Variants in THOC7 observed in about 807,000 individuals in gnomAD.
The protein encoded by THOC7 is THO complex subunit 7.
THOC7 carries 22 observed loss-of-function variants against 33.1 expected under a neutral mutation model. The observed-to-expected ratio is 0.66, with a 90% CI of 0.47 to 0.95. THOC7 has a LOEUF of 0.95. Ranked by LOEUF, THOC7 falls within the 40% of genes least tolerant of loss-of-function variation. THOC7 has a pLI of 0.00. For synonymous variants in THOC7, 77 were observed against 76.8 expected (o/e 1.00, Z -0.01); for missense variants, 184 against 245.3 (o/e 0.75, Z 1.67).
chr3:63,838,124 A>G (rs1204549035), intron 3 of THOC7, 62 bp from the exon 4 acceptor site: 1 of 1,441,880 alleles, frequency 6.9e-7, no homozygotes, highest in Non-Finnish European at 9.5e-7. Flanking sequence ...TTTTAATTTT[A>G]AAACGCATTT....
chr3:63,844,888 C>T (rs535639795), intron 1 of THOC7: 142 of 511,196 alleles, frequency 2.8e-4, no homozygotes, highest in Middle Eastern at 2.1e-3. Flanking sequence ...CAGAGTAAGA[C>T]GGAAAATTGT....
At chr3:63,860,392 CT>C (rs1253074629) in intron 1 of THOC7, among the ~76,000 whole-genome samples, 2 of 152,174 alleles carry the variant, frequency 1.3e-5, no homozygotes, top group Non-Finnish European at 2.9e-5. Flanking sequence ...ATTTAGCCTT[CT>C]TTTACCTAGC....
At chr3:63,852,411 T>C (rs1425180137) in intron 1 of THOC7, among the ~76,000 whole-genome samples, 1 of 152,222 alleles carries the variant, frequency 6.6e-6, no homozygotes, top group East Asian at 1.9e-4. Context: ...TATCTTTTTA[T>C]AGTATTTGAT....
In THOC7 at chr3:63,839,671, C is replaced by G; in HGVS notation, c.122G>C (p.Gly41Ala). 1 of 1,611,852 alleles carries G rather than the reference C, an allele frequency of 6.2e-7. No homozygotes were observed. Among genetic ancestry groups the G allele is most frequent in the South Asian group, 1.1e-5 (1 of 91,000 alleles). ...AATGAAATACCCCTCTTCCTGGGAC[C>G]CAGAGTTGCACCATTTAATGAAACT... ...VKSFIKWCNS[G>A]SQEEGYSQYQ... is the part of the protein sequence containing the mutation. The change falls in exon 2 of 8, where the codon GGG becomes GCG. Residue 41 changes from glycine to alanine, a missense_variant. Transcript: ENST00000295899.
intron 1 of THOC7, among the ~76,000 whole-genome samples, chr3:63,852,976 C>T (rs1188487872): frequency 1.3e-5 from 2 of 151,970 alleles, no homozygotes; most frequent in African/African-American, 4.8e-5. Context: ...AATGTTGAAG[C>T]CCTGTCTCTC....
chr3:63,849,573 A>G (rs1701980474), intron 1 of THOC7, among the ~76,000 whole-genome samples: 1 of 152,142 alleles, frequency 6.6e-6, no homozygotes, highest in South Asian at 2.1e-4. Flanking sequence ...TTCCTTGTCA[A>G]AGTTTGCAGC....
chr3:63,846,187 C>A (rs1701890085), intron 1 of THOC7: 1 of 451,458 alleles, frequency 2.2e-6, no homozygotes, highest in South Asian at 1.6e-5. Context: ...ACTAAATATT[C>A]AGTCTGCTTT....
chr3:63,837,933 C>A, intron 4 of THOC7, 43 bp downstream of exon 4: 2 of 1,535,206 alleles, frequency 1.3e-6, no homozygotes, highest in South Asian at 1.2e-5. Flanking sequence ...AAACTGTAGT[C>A]AGTAATAATG....
chr3:63,841,239 T>G (rs571202466), intron 1 of THOC7, among the ~76,000 whole-genome samples: 1 of 152,306 alleles, frequency 6.6e-6, no homozygotes, highest in East Asian at 1.9e-4. Flanking sequence ...CACACATGCA[T>G]GTGTGTATTC....
chr3:63,861,546 A>T (rs1346939674), intron 1 of THOC7: 1 of 152,192 alleles, frequency 6.6e-6, no homozygotes, highest in African/African-American at 2.4e-5. Context: ...CAGACACAGG[A>T]CGCATAATAG....
At chr3:63,857,687 T>G (rs771415830) in intron 1 of THOC7, among the ~76,000 whole-genome samples, 1 of 152,242 alleles carries the variant, frequency 6.6e-6, no homozygotes, top group Non-Finnish European at 1.5e-5. Context: ...GATTCCTCCA[T>G]GTAGATATTA....
chr3:63,835,754 C>A (rs187179147), intron 5 of THOC7, among the ~76,000 whole-genome samples: 2 of 152,036 alleles, frequency 1.3e-5, no homozygotes, highest in African/African-American at 4.8e-5. Context: ...TTGAATCTTA[C>A]GCCTAGTCCT....
intron 1 of THOC7, chr3:63,860,703 T>C (rs1702193497): frequency 1.3e-5 from 2 of 152,196 alleles, no homozygotes; most frequent in South Asian, 4.1e-4. Context: ...ACTTCTGACT[T>C]CCCTTTATTT....
In THOC7 at chr3:63,837,991, G is replaced by C. The variant is rs759783125; in HGVS notation, c.337C>G (p.Arg113Gly). Residue 113 changes from arginine (R) to glycine (G), a missense_variant, in exon 4 of 8, where the codon CGA becomes GGA. Physicochemically the swap from Arg to Gly is moderately radical, Grantham distance 125. This residue lies in a region of THOC7 where 157 missense variants were observed against 201.3 expected (regional missense o/e 0.78). Transcript: ENST00000295899. ...AAACCCTTACCTTGGCGATTTTTTC[G>C]TATTCGTTTTGCTTGAAGAATTTGC... ...KKQILQAKRI[R>G]KNRQEYDALA... 6 of 1,606,528 alleles carry C rather than the reference G, an allele frequency of 3.7e-6. No homozygotes were observed. Among genetic ancestry groups the C allele is most frequent in the Non-Finnish European group, 8.5e-7 (1 of 1,177,088 alleles).
intron 4 of THOC7, 83 bp from the exon 5 acceptor site, chr3:63,836,441 C>T: frequency 1.6e-6 from 2 of 1,252,286 alleles, no homozygotes; most frequent in Non-Finnish European, 2.3e-6. Flanking sequence ...TCACAAACCT[C>T]TCCTAATCAC....
chr3:63,847,670 G>A (rs867211111), intron 1 of THOC7, among the ~76,000 whole-genome samples: 2 of 152,114 alleles, frequency 1.3e-5, no homozygotes, highest in African/African-American at 4.8e-5. Context: ...CCAGGAGGCA[G>A]AGGTTGCAGT....
chr3:63,843,112 A>G (rs1559604763), intron 1 of THOC7, among the ~76,000 whole-genome samples: 1 of 149,196 alleles, frequency 6.7e-6, no homozygotes, highest in African/African-American at 2.5e-5. Context: ...CCGTATGTAT[A>G]TTTGTTTGTT....
In THOC7 at chr3:63,835,117, C is replaced by T. The variant is rs774333281; in HGVS notation, c.547+37G>A. ...TACATCCCTGGGTCATTTAAAAAAT[C>T]TTCATAAGCATTTACTTTGAGACTA... On this transcript the variant is annotated intron_variant, in intron 7 of 7. Transcript: ENST00000295899. 7 of 1,601,430 alleles carry T rather than the reference C, an allele frequency of 4.4e-6. No individual in the cohort carries two copies. In the South Asian group the frequency reaches 7.8e-5, roughly 18 times the overall value.
chr3:63,844,923 AT>A (rs1428484577), intron 1 of THOC7: 1 of 572,766 alleles, frequency 1.7e-6, no homozygotes, highest in Non-Finnish European at 3.2e-6. Context: ...TGTTGCTATA[AT>A]ACCTGAAAAT....
Sources: allele counts gnomAD v4.1 joint callset (sites outside exome capture counted in the v4.1 genomes callset), GRCh38; gene constraint gnomAD v4.1.1; regional missense constraint gnomAD v4.1.1; transcripts MANE v1.5; gene names NCBI Gene and HGNC (gene_info 2026-07-23, HGNC 2026-07-21).